Variants in SOX5 observed in about 807,000 individuals in gnomAD.
SOX5 encodes the protein SRY-box transcription factor 5.
A neutral mutation model predicts 92.0 loss-of-function variants in SOX5; 9 were observed. The observed-to-expected ratio is 0.10, with a 90% confidence interval of 0.06 to 0.17. The LOEUF is 0.17. SOX5 is among the 10% of genes least tolerant of loss of function. SOX5 has a pLI of 1.00. For missense variants in SOX5, 642 were observed against 944.5 expected (o/e 0.68, Z 4.20); for synonymous variants, 344 against 336.3 (o/e 1.02, Z -0.25).
At chr12:24,446,236 T>C (rs1202321714) in intron 1 of SOX5, among the ~76,000 whole-genome samples, 2 of 151,712 alleles carry the variant, frequency 1.3e-5, no homozygotes, top group Non-Finnish European at 2.9e-5. Context: ...ATGATGATGA[T>C]TGCTATAAAG....
intron 4 of SOX5, among the ~76,000 whole-genome samples, chr12:23,751,485 C>T (rs1243764902): frequency 2.0e-5 from 3 of 151,704 alleles, no homozygotes; most frequent in Admixed American, 6.6e-5. Flanking sequence ...GATCTGATTC[C>T]TATTCTAAGC....
intron 4 of SOX5, among the ~76,000 whole-genome samples, chr12:23,984,908 C>T (rs1320608716): frequency 6.6e-6 from 1 of 152,086 alleles, no homozygotes; most frequent in African/African-American, 2.4e-5. Context: ...ATGATTTTAA[C>T]CCATTTATGC....
chr12:23,765,612 T>C (rs775440041), intron 3 of SOX5, among the ~76,000 whole-genome samples: 48 of 152,020 alleles, frequency 3.2e-4, no homozygotes, highest in Admixed American at 3.3e-4. Context: ...ATAAAATTAG[T>C]TATGTATAAT....
intron 9 of SOX5, among the ~76,000 whole-genome samples, chr12:23,585,017 A>G (rs1250903198): frequency 2.0e-5 from 3 of 152,150 alleles, no homozygotes; most frequent in African/African-American, 7.2e-5. Flanking sequence ...ACTATTAACT[A>G]CTAAATGTTA....
chr12:24,479,549 A>G (rs1373094546), intron 1 of SOX5, among the ~76,000 whole-genome samples: 1 of 152,238 alleles, frequency 6.6e-6, no homozygotes, highest in Non-Finnish European at 1.5e-5. Flanking sequence ...TGTTTCTCCA[A>G]ATCTGAAGTC....
At chr12:24,464,415 A>AGGGTTCACGCCGCCTCCC (rs749860767) in intron 1 of SOX5, among the ~76,000 whole-genome samples, 5 of 150,810 alleles carry the variant, frequency 3.3e-5, no homozygotes, top group Admixed American at 1.3e-4. Context: ...CTCCGCCTCC[A>AGGGTTCACGCCGCCTCCC]GGGTTCACGC....
chr12:24,045,588 T>A (rs779802341), intron 4 of SOX5, among the ~76,000 whole-genome samples: 1 of 152,128 alleles, frequency 6.6e-6, no homozygotes, highest in Non-Finnish European at 1.5e-5. Context: ...GTGTGAGCCA[T>A]CTTGCCGGCC....
In SOX5 at chr12:23,791,640, A is replaced by G. The variant is rs1037723892; in HGVS notation, c.482-35916T>C. On this transcript the variant is annotated intron_variant, in intron 3 of 14. Coordinates refer to ENST00000451604, the MANE Select transcript of SOX5 (RefSeq NM_006940.6). ...AGGTATATCACATACTAAAGTTCAG[A>G]CCAATTAGACTACCACTTTAACCAA... Among the ~76,000 whole-genome samples the G allele has an allele frequency of 2.6e-5, 4 of 152,158 alleles. No individual in the cohort carries two copies. In the East Asian group the frequency reaches 5.8e-4, roughly 22 times the overall value.
chr12:23,736,339 G>A (rs1160696376), intron 5 of SOX5, among the ~76,000 whole-genome samples: 1 of 152,052 alleles, frequency 6.6e-6, no homozygotes, highest in African/African-American at 2.4e-5. Context: ...GCGGGCGCCT[G>A]TAGTCCCAGC....
chr12:24,393,782 G>A lies in SOX5; in HGVS notation c.-250-25143C>T, dbSNP rs909448595. ...AGAAACTTTGTTTCCCATCTTCAAA[G>A]AAGTGGGGAAATTTAAGACTACATA... On this transcript the variant is annotated intron_variant, in intron 1 of 4. Transcript: ENST00000446891. The surrounding 1 kb of genome is among the most constrained non-coding windows in gnomAD (Gnocchi z 5.0). 6.6e-6 allele frequency among the ~76,000 whole-genome samples: 1 copy of A among 152,144 alleles called. No homozygotes were observed. Among genetic ancestry groups the A allele is most frequent in the Admixed American group, 6.5e-5 (1 of 15,282 alleles).
In SOX5 at chr12:24,174,424, T is replaced by A. The variant is rs116983996; in HGVS notation, c.-2+38919A>T. On this transcript the variant is annotated intron_variant, in intron 4 of 4. Coordinates refer to the SOX5 transcript ENST00000446891. ...ATGCCATTTCTAGCAGATGTTATCA[T>A]TACTTGGGGAGATAGAAGGAGTCTG... Among the ~76,000 whole-genome samples, 1,102 of 152,306 alleles carry A rather than the reference T, an allele frequency of 7.2e-3. 22 individuals are homozygous for A. The highest frequency in any genetic ancestry group is 0.036 in the Admixed American group (554 of 15,294).
At chr12:23,923,032 G>A (rs1280040697) in intron 1 of SOX5, among the ~76,000 whole-genome samples, 2 of 151,066 alleles carry the variant, frequency 1.3e-5, no homozygotes, top group Non-Finnish European at 2.9e-5. Context: ...TGCAAGCTCC[G>A]CCTCCTGGGT....
chr12:24,235,852 T>G (rs1269838716), intron 3 of SOX5, among the ~76,000 whole-genome samples: 2 of 152,148 alleles, frequency 1.3e-5, no homozygotes, highest in Non-Finnish European at 2.9e-5. Context: ...AGTCGGGAAT[T>G]TGTAACTAAT....
At chr12:23,930,149 G>A (rs1016567358) in intron 1 of SOX5, among the ~76,000 whole-genome samples, 1 of 151,788 alleles carries the variant, frequency 6.6e-6, no homozygotes, top group African/African-American at 2.4e-5. Flanking sequence ...GGGGAGGAGG[G>A]CAACATGCAG....
Position 24,351,638 on chromosome 12 carries a change from A to T in SOX5, c.-174+16925T>A, listed in dbSNP as rs1201296095. 3.3e-5 allele frequency among the ~76,000 whole-genome samples: 5 copies of T among 152,214 alleles called. No individual in the cohort carries two copies. The East Asian group carries it at 9.6e-4, about 29-fold the overall frequency. ...CTAATGTCAACTGAATGAACACATT[A>T]CCCAGTTCACGGCAGCCTAAGTTGC... On this transcript the variant is annotated intron_variant, in intron 2 of 4. Transcript: ENST00000446891.
chr12:23,572,555 T>C (rs7971775), intron 10 of SOX5, among the ~76,000 whole-genome samples: 19,324 of 152,062 alleles, frequency 0.13, 1,586 homozygotes, highest in Non-Finnish European at 0.18. Flanking sequence ...GCTTAATCTT[T>C]GGGAATGCTA....
chr12:23,972,349 T>TTTTG (rs755294201), intron 4 of SOX5, among the ~76,000 whole-genome samples: 1 of 151,106 alleles, frequency 6.6e-6, no homozygotes, highest in Non-Finnish European at 1.5e-5. Context: ...CCTATGGTTT[T>TTTTG]TTTGTTTGTT....
At chr12:23,698,393 T>G (rs571078119) in intron 6 of SOX5, among the ~76,000 whole-genome samples, 1 of 152,288 alleles carries the variant, frequency 6.6e-6, no homozygotes, top group South Asian at 2.1e-4. Context: ...CTTTTTTCTG[T>G]TTTTATTTCT....
intron 2 of SOX5, among the ~76,000 whole-genome samples, chr12:24,341,479 A>G (rs1168689694): frequency 6.6e-6 from 1 of 152,220 alleles, no homozygotes; most frequent in African/African-American, 2.4e-5. Flanking sequence ...CGTCTCAAAA[A>G]TTAATAATAA....
Sources: gnomAD v4.1 joint callset for allele counts (sites outside exome capture counted in the v4.1 genomes callset) on GRCh38, gnomAD v4.1.1 for gene constraint, Gnocchi (gnomAD v3.1) non-coding constraint, MANE v1.5 for transcripts, NCBI Gene and HGNC (gene_info 2026-07-23, HGNC 2026-07-21) for gene names.